MRTFA: variants seen among roughly 807,000 people sequenced by gnomAD.
The protein encoded by MRTFA is myocardin-related transcription factor A.
MRTFA carries 20 observed loss-of-function variants against 83.5 expected under a neutral mutation model. That is an observed-to-expected ratio of 0.24 (90% CI 0.17 to 0.35). MRTFA has a LOEUF of 0.35. MRTFA is among the 10% of genes least tolerant of loss of function. MRTFA has a pLI of 1.00. For synonymous variants in MRTFA, 659 were observed against 541.2 expected, an observed-to-expected ratio of 1.22 and a Z score of -3.02; for missense variants, 1,200 against 1,224.7, an observed-to-expected ratio of 0.98 and a Z score of 0.30.
chr22:40,575,651 A>G (rs966397745), intron 2 of MRTFA, among the ~76,000 whole-genome samples: 4 of 152,218 alleles, frequency 2.6e-5, no homozygotes, highest in African/African-American at 9.7e-5. Context: ...ACTTTTCTTC[A>G]GCCAATATGG....
At chr22:40,453,384 C>T (rs1156567339) in intron 4 of MRTFA, among the ~76,000 whole-genome samples, 3 of 152,136 alleles carry the variant, frequency 2.0e-5, no homozygotes, top group Non-Finnish European at 4.4e-5. Flanking sequence ...AGCGGGAGTC[C>T]GAGGGCACTG....
intron 4 of MRTFA, among the ~76,000 whole-genome samples, chr22:40,451,192 T>G (rs1205010705): frequency 1.3e-5 from 2 of 152,198 alleles, no homozygotes; most frequent in Non-Finnish European, 2.9e-5. Flanking sequence ...TTTGTCTTTC[T>G]GTTTTTAGCT....
At chr22:40,508,471 C>T (rs2054615252) in intron 3 of MRTFA, among the ~76,000 whole-genome samples, 1 of 131,336 alleles carries the variant, frequency 7.6e-6, no homozygotes, top group African/African-American at 2.9e-5. Context: ...GAGATCATGC[C>T]AGTGCACTCC....
chr22:40,530,074 T>C (rs1449005251), intron 3 of MRTFA, among the ~76,000 whole-genome samples: 2 of 152,170 alleles, frequency 1.3e-5, no homozygotes, highest in Non-Finnish European at 2.9e-5. Context: ...GTCTCAACTG[T>C]TTTCTCTACA....
At chr22:40,629,775 C>CAAAAAA (rs766356425) in intron 1 of MRTFA, among the ~76,000 whole-genome samples, 4 of 40,340 alleles carry the variant, frequency 9.9e-5, no homozygotes, top group South Asian at 8.3e-4. Context: ...GATTCCATCT[C>CAAAAAA]AAAAAAAAAA....
intron 2 of MRTFA, among the ~76,000 whole-genome samples, chr22:40,554,593 T>C (rs2055492607): frequency 6.6e-6 from 1 of 152,210 alleles, no homozygotes; most frequent in Non-Finnish European, 1.5e-5. Flanking sequence ...CCTGTGGAAC[T>C]GTGAGTCAAT....
chr22:40,511,062 A>G (rs147053332), intron 3 of MRTFA, among the ~76,000 whole-genome samples: 3 of 152,288 alleles, frequency 2.0e-5, no homozygotes, highest in African/African-American at 7.2e-5. Flanking sequence ...AAAGAAAATG[A>G]TTAGAATTGG....
In MRTFA at chr22:40,482,393, C is replaced by T. The variant is rs145609973; in HGVS notation, c.242-19107G>A. Among the ~76,000 whole-genome samples the T allele has an allele frequency of 1.4e-3, 214 of 152,244 alleles. 2 individuals carry two copies. The Middle Eastern group carries it at 0.031, about 22-fold the overall frequency. ...CATTTTGGGTAGCTGCTCATCTCCC[C>T]CCTTGAGGTGACCTCCTATTCTAAT... On this transcript the variant is annotated intron_variant, in intron 3 of 14. Coordinates refer to ENST00000355630, the MANE Select transcript of MRTFA (RefSeq NM_020831.6).
intron 3 of MRTFA, among the ~76,000 whole-genome samples, chr22:40,469,102 T>C (rs1569282784): frequency 6.6e-6 from 1 of 152,214 alleles, no homozygotes; most frequent in Non-Finnish European, 1.5e-5. Context: ...TTTGAGTTTA[T>C]CTCCTCTAAA....
intron 1 of MRTFA, among the ~76,000 whole-genome samples, chr22:40,607,662 C>T (rs1455607706): frequency 3.9e-5 from 6 of 152,214 alleles, no homozygotes; most frequent in African/African-American, 1.4e-4. Context: ...GAGCACAACA[C>T]AACTCAGCAA....
intron 2 of MRTFA, chr22:40,587,355 CT>C: frequency 2.4e-6 from 1 of 412,990 alleles, no homozygotes. Context: ...TTTCGGAAGG[CT>C]TTGACAATAC....
At chr22:40,571,872 C>T (rs983592771) in intron 2 of MRTFA, among the ~76,000 whole-genome samples, 8 of 133,794 alleles carry the variant, frequency 6.0e-5, no homozygotes, top group African/African-American at 2.0e-4. Flanking sequence ...TGCAGTGAGC[C>T]GAGATCACGC....
intron 2 of MRTFA, among the ~76,000 whole-genome samples, chr22:40,558,112 G>T (rs2055557128): frequency 6.6e-6 from 1 of 151,248 alleles, no homozygotes; most frequent in South Asian, 2.1e-4. Context: ...AAGGGACAGG[G>T]TCTCTCTCTG....
At chr22:40,595,863 CTT>C (rs35215701) in intron 1 of MRTFA, among the ~76,000 whole-genome samples, 2,600 of 77,940 alleles carry the variant, frequency 0.033, 12 homozygotes, top group Non-Finnish European at 0.036. Flanking sequence ...TATCTAAAGT[CTT>C]TTTTTTTTTT....
chr22:40,590,751 T>C (rs2056108467), intron 2 of MRTFA, among the ~76,000 whole-genome samples: 1 of 151,408 alleles, frequency 6.6e-6, no homozygotes. Context: ...ATCTGAATAC[T>C]TATGCACAGA....
At chr22:40,441,905 TCAGTGTGTCGACACA>T (rs1009848392) in intron 4 of MRTFA, among the ~76,000 whole-genome samples, 2 of 151,790 alleles carry the variant, frequency 1.3e-5, no homozygotes, top group African/African-American at 4.8e-5. Flanking sequence ...AGTGCTGTGC[TCAGTGTGTCGACACA>T]GATGTGTGAT....
intron 1 of MRTFA, among the ~76,000 whole-genome samples, chr22:40,607,873 C>A (rs1358855204): frequency 6.6e-6 from 1 of 152,146 alleles, no homozygotes; most frequent in Non-Finnish European, 1.5e-5. Flanking sequence ...AACATCAATT[C>A]TATTGTTTAG....
intron 1 of MRTFA, among the ~76,000 whole-genome samples, chr22:40,632,892 C>G (rs1209230305): frequency 6.6e-6 from 1 of 152,220 alleles, no homozygotes; most frequent in Non-Finnish European, 1.5e-5. Context: ...CACACCCGCT[C>G]TCCAAAACTC....
intron 3 of MRTFA, among the ~76,000 whole-genome samples, chr22:40,484,735 T>C (rs1368480740): frequency 2.0e-5 from 3 of 152,166 alleles, no homozygotes; most frequent in African/African-American, 4.8e-5. Flanking sequence ...TTAATTTAGA[T>C]ACTCCTTCAA....
Sources: gnomAD v4.1 joint callset for allele counts (sites outside exome capture counted in the v4.1 genomes callset) on GRCh38, gnomAD v4.1.1 for gene constraint, MANE v1.5 for transcripts, NCBI Gene and HGNC (gene_info 2026-07-23, HGNC 2026-07-21) for gene names.